FAM13C: variants seen among roughly 807,000 people sequenced by gnomAD.
FAM13C encodes the protein protein FAM13C.
FAM13C carries 37 observed loss-of-function variants against 73.2 expected under a neutral mutation model. The ratio of observed to expected loss-of-function variants is 0.51; its 90% CI spans 0.39 to 0.67. The LOEUF is 0.67. Ranked by LOEUF, FAM13C falls within the 30% of genes least tolerant of loss-of-function variation. The pLI is 0.00. For synonymous variants in FAM13C, 246 were observed against 260.9 expected (o/e 0.94, Z 0.55); for missense variants, 589 against 715.6 (o/e 0.82, Z 2.02).
intron 10 of FAM13C, among the ~76,000 whole-genome samples, chr10:59,259,611 A>G (rs150914995): frequency 4.6e-5 from 7 of 152,284 alleles, no homozygotes; most frequent in Non-Finnish European, 5.9e-5. Context: ...TACATTTTCT[A>G]TTACAGATGC....
At chr10:59,306,701 C>T (rs932178497) in intron 4 of FAM13C, among the ~76,000 whole-genome samples, 14 of 152,174 alleles carry the variant, frequency 9.2e-5, no homozygotes, top group African/African-American at 3.4e-4. Context: ...CACAGTGAAA[C>T]CCCATCTCTA....
chr10:59,345,988 A>G (rs991751866), intron 3 of FAM13C, among the ~76,000 whole-genome samples: 11 of 152,240 alleles, frequency 7.2e-5, no homozygotes, highest in Non-Finnish European at 1.6e-4. Flanking sequence ...CCTCAAAGCC[A>G]TAATCAGAAC....
Position 59,352,420 on chromosome 10 carries a change from G to C in FAM13C, c.174C>G (p.His58Gln). The C allele has an allele frequency of 1.2e-6, 2 of 1,613,688 alleles. No homozygotes were observed. The highest frequency in any genetic ancestry group is 1.7e-6 in the Non-Finnish European group (2 of 1,179,942). ...GCTGCGGCTCCCAAGAGGGCGGCGC[G>C]TGCTCTTCTACCAGAGCCCCTGCGT... The part of the protein sequence containing the change: ...YPDAGALVEE[H>Q]APPSWEPQQQ... The change falls in exon 3 of 14, where the codon CAC becomes CAG. Residue 58 changes from histidine to glutamine, a missense_variant. By Grantham distance (24) the His-to-Gln change is conservative. Coordinates refer to ENST00000618804, the MANE Select transcript of FAM13C (RefSeq NM_198215.4).
At chr10:59,300,988 T>C (rs1401977927) in intron 5 of FAM13C, 2 of 152,256 alleles carry the variant, frequency 1.3e-5, no homozygotes, top group Admixed American at 6.5e-5. Flanking sequence ...TTGTGTTCCA[T>C]AGAGACTCTG....
intron 2 of FAM13C, among the ~76,000 whole-genome samples, chr10:59,353,073 C>T (rs1855281133): frequency 6.6e-6 from 1 of 152,160 alleles, no homozygotes; most frequent in Non-Finnish European, 1.5e-5. Context: ...TCAACCAGGC[C>T]CTCTGAACAA....
At position 59,268,703 on chromosome 10, in the gene FAM13C, A is replaced by G. The variant is rs1843360031; in HGVS notation, c.804-12T>C. The G allele has an allele frequency of 1.2e-6, 2 of 1,609,840 alleles. No homozygotes were observed. On this transcript the variant is annotated splice_polypyrimidine_tract_variant and intron_variant, in intron 7 of 13. Coordinates refer to ENST00000618804, the MANE Select transcript of FAM13C (RefSeq NM_198215.4). ...AAGAACTCCGCGGCCTGCAGTGATT[A>G]CAAGGAGGAAGGAGTATCAAAAACA...
At chr10:59,250,314 T>C (rs1386638186) in intron 13 of FAM13C, among the ~76,000 whole-genome samples, 1 of 152,162 alleles carries the variant, frequency 6.6e-6, no homozygotes, top group East Asian at 1.9e-4. Context: ...GAAAAAAGTA[T>C]GGAAAAGGAA....
intron 5 of FAM13C, among the ~76,000 whole-genome samples, chr10:59,290,800 A>G (rs1344768257): frequency 6.6e-6 from 1 of 152,204 alleles, no homozygotes; most frequent in Non-Finnish European, 1.5e-5. Context: ...GAAAAGAGCC[A>G]ACCAATAAAA....
At chr10:59,276,107 C>T (rs907912032) in intron 6 of FAM13C, among the ~76,000 whole-genome samples, 4 of 152,132 alleles carry the variant, frequency 2.6e-5, no homozygotes, top group African/African-American at 9.7e-5. Context: ...TTTATTGTTA[C>T]AAATGTAATT....
chr10:59,257,121 G>A (rs1019392859), intron 10 of FAM13C, among the ~76,000 whole-genome samples: 49 of 152,270 alleles, frequency 3.2e-4, no homozygotes, highest in African/African-American at 1.1e-3. Context: ...TATTCTTCCA[G>A]TTTCTCCATT....
intron 2 of FAM13C, among the ~76,000 whole-genome samples, chr10:59,352,729 T>C (rs929305922): frequency 6.6e-6 from 1 of 152,154 alleles, no homozygotes; most frequent in Non-Finnish European, 1.5e-5. Flanking sequence ...CACATATCAT[T>C]ATTATTATTT....
chr10:59,304,645 T>G (rs1189730755), intron 4 of FAM13C, among the ~76,000 whole-genome samples: 1 of 151,338 alleles, frequency 6.6e-6, no homozygotes, highest in South Asian at 2.1e-4. Flanking sequence ...AAATAACTAA[T>G]GGGTACTAGG....
intron 4 of FAM13C, 71 bp from the exon 5 acceptor site, chr10:59,302,935 G>A: frequency 7.0e-7 from 1 of 1,424,836 alleles, no homozygotes; most frequent in Non-Finnish European, 9.8e-7. Context: ...GAAGCTGGTG[G>A]CTACAAATCT....
At chr10:59,269,364 C>A (rs1032710067) in intron 7 of FAM13C, among the ~76,000 whole-genome samples, 2 of 151,892 alleles carry the variant, frequency 1.3e-5, no homozygotes, top group Non-Finnish European at 2.9e-5. Flanking sequence ...CACATAGTTC[C>A]TCAATCCCAA....
chr10:59,354,460 G>A (rs2134278188), intron 2 of FAM13C, among the ~76,000 whole-genome samples: 1 of 152,296 alleles, frequency 6.6e-6, no homozygotes, highest in Non-Finnish European at 1.5e-5. Context: ...AAAAAGCATG[G>A]TGTCCTGAAA....
rs1159774665 is a variant in FAM13C, at chr10:59,286,516, A to AATATATATATATATATAT, written c.508-3087_508-3070dup. Among the ~76,000 whole-genome samples, 202 of 110,890 alleles carry AATATATATATATATATAT rather than the reference A, an allele frequency of 1.8e-3. 1 individual carries two copies. Among genetic ancestry groups the AATATATATATATATATAT allele is most frequent in the African/African-American group, 5.7e-3 (166 of 29,274 alleles). The allele number at this position is 110,890 out of a possible 152,430, so 72.7% of individuals were successfully genotyped here. On this transcript the variant is annotated intron_variant, in intron 5 of 13. Transcript: ENST00000618804. ...GGCAACAGAGCAAGACTCCATCTCA[A>AATATATATATATATATAT]ATATATATATATATATATATATATA...
chr10:59,272,458 A>G (rs556453867), intron 6 of FAM13C, among the ~76,000 whole-genome samples: 19 of 151,482 alleles, frequency 1.3e-4, no homozygotes, highest in African/African-American at 4.6e-4. Flanking sequence ...TTCAGAGCCA[A>G]TGCTGCTGCT....
Position 59,246,836 on chromosome 10 carries a change from A to C in FAM13C, c.*778T>G, listed in dbSNP as rs1021613766. 4 of 384,760 alleles carry C rather than the reference A, an allele frequency of 1.0e-5. No homozygotes were observed. Among genetic ancestry groups the C allele is most frequent in the Non-Finnish European group, 1.8e-5 (4 of 217,584 alleles). The allele number at this position is 384,760 out of a possible 1,614,324, so 23.8% of individuals were successfully genotyped here. ...AAAGATTAGCAATAATACTATGGAC[A>C]CATTAGATTATATACTACAGACACA... On this transcript the variant is annotated 3_prime_UTR_variant, in exon 14 of 14. Transcript: ENST00000618804.
At chr10:59,264,048 C>T (rs891512190) in intron 9 of FAM13C, 37 bp downstream of exon 9, 1 of 1,586,344 alleles carries the variant, frequency 6.3e-7, no homozygotes, top group Non-Finnish European at 8.7e-7. Flanking sequence ...TTAACTGCTT[C>T]CTTTGTGAGG....
Sources: allele counts gnomAD v4.1 joint callset (sites outside exome capture counted in the v4.1 genomes callset), GRCh38; gene constraint gnomAD v4.1.1; transcripts MANE v1.5; gene names NCBI Gene and HGNC (gene_info 2026-07-23, HGNC 2026-07-21).